The following HS2ST1 variants were observed in gnomAD, a reference collection of about 807,000 sequenced individuals.
HS2ST1 encodes heparan sulfate 2-O-sulfotransferase 1, also known as 2-O-sulfotransferase.
In HS2ST1, 18 loss-of-function variants were observed where a neutral mutation model predicts 42.9. The ratio of observed to expected loss-of-function variants is 0.42; its 90% CI spans 0.29 to 0.62. The LOEUF is 0.62. Ranked by LOEUF, HS2ST1 falls within the 20% of genes least tolerant of loss-of-function variation. The pLI is 0.21. For synonymous variants in HS2ST1, 146 were observed against 152.9 expected (o/e 0.95, Z 0.33); for missense variants, 334 against 433.8 (o/e 0.77, Z 2.04).
rs1301753583 is a variant in HS2ST1, at chr1:86,990,569, G to A, written c.124+75409G>A. ...AACCCCTGTAGTATTGCCATTTATC[G>A]CCAGTTTTTGTTTGACCCAGTCAGA... On this transcript the variant is annotated intron_variant, in intron 1 of 6. Coordinates refer to ENST00000370550, the MANE Select transcript of HS2ST1 (RefSeq NM_012262.4). Among the ~76,000 whole-genome samples, 3 of 151,652 alleles carry A rather than the reference G, an allele frequency of 2.0e-5. No homozygotes were observed. The South Asian group carries it at 6.3e-4, about 32-fold the overall frequency.
At chr1:87,079,805 C>G (rs1478150479) in intron 2 of HS2ST1, among the ~76,000 whole-genome samples, 2 of 150,802 alleles carry the variant, frequency 1.3e-5, no homozygotes, top group Non-Finnish European at 2.9e-5. Flanking sequence ...TTCTGGGAGG[C>G]TGAGGTGGGA....
chr1:87,021,666 C>T (rs1399068286), intron 1 of HS2ST1, among the ~76,000 whole-genome samples: 1 of 152,152 alleles, frequency 6.6e-6, no homozygotes, highest in Admixed American at 6.5e-5. Context: ...AAGGTGCATA[C>T]CACCACACCC....
intron 1 of HS2ST1, among the ~76,000 whole-genome samples, chr1:87,071,263 C>T (rs1209741858): frequency 2.0e-5 from 3 of 152,118 alleles, no homozygotes; most frequent in Non-Finnish European, 2.9e-5. Context: ...AAGATGCATG[C>T]TCTGACAATA....
chr1:86,934,182 G>A (rs1364624639), intron 1 of HS2ST1, among the ~76,000 whole-genome samples: 1 of 152,178 alleles, frequency 6.6e-6, no homozygotes, highest in African/African-American at 2.4e-5. Flanking sequence ...TGGTTAGTTG[G>A]TGGATAACAA....
chr1:86,930,061 A>C (rs1660512070), intron 1 of HS2ST1, among the ~76,000 whole-genome samples: 1 of 151,764 alleles, frequency 6.6e-6, no homozygotes, highest in African/African-American at 2.4e-5. Context: ...GAAATGGTGG[A>C]CTATGAGAGG....
At chr1:87,006,875 G>C (rs1274800541) in intron 1 of HS2ST1, among the ~76,000 whole-genome samples, 1 of 152,102 alleles carries the variant, frequency 6.6e-6, no homozygotes, top group African/African-American at 2.4e-5. Flanking sequence ...ATAAGGACAA[G>C]TCACTGTTAA....
At chr1:87,064,331 G>C (rs1651193944) in intron 1 of HS2ST1, among the ~76,000 whole-genome samples, 1 of 152,050 alleles carries the variant, frequency 6.6e-6, no homozygotes, top group South Asian at 2.1e-4. Context: ...AGGTCCCAGG[G>C]GTTCCAGTAG....
intron 2 of HS2ST1, among the ~76,000 whole-genome samples, chr1:87,075,392 C>T (rs1651515164): frequency 6.6e-6 from 1 of 152,052 alleles, no homozygotes; most frequent in South Asian, 2.1e-4. Context: ...GTCACAAACT[C>T]CTGACCTCAG....
intron 1 of HS2ST1, among the ~76,000 whole-genome samples, chr1:87,013,788 G>A (rs980724228): frequency 1.3e-5 from 2 of 152,090 alleles, no homozygotes; most frequent in African/African-American, 4.8e-5. Context: ...CAGCACCCAA[G>A]TCACCTCTTG....
intron 1 of HS2ST1, among the ~76,000 whole-genome samples, chr1:87,068,944 C>T (rs1340894132): frequency 6.6e-6 from 1 of 152,152 alleles, no homozygotes; most frequent in East Asian, 1.9e-4. Flanking sequence ...CCTCCTCCCT[C>T]AACTCCTGAG....
At chr1:87,035,609 G>C (rs1334770360) in intron 1 of HS2ST1, among the ~76,000 whole-genome samples, 1 of 152,082 alleles carries the variant, frequency 6.6e-6, no homozygotes, top group Non-Finnish European at 1.5e-5. Flanking sequence ...TGCATCTACT[G>C]TGTATCCAGC....
intron 1 of HS2ST1, among the ~76,000 whole-genome samples, chr1:86,975,597 A>G (rs1648374879): frequency 6.6e-6 from 1 of 152,206 alleles, no homozygotes; most frequent in Non-Finnish European, 1.5e-5. Flanking sequence ...AGTTAATAAA[A>G]TTTTGTTGAT....
intron 1 of HS2ST1, among the ~76,000 whole-genome samples, chr1:86,920,095 G>C (rs1458760247): frequency 6.6e-6 from 1 of 152,130 alleles, no homozygotes. Context: ...TATGTGCTTG[G>C]TAACTTTATT....
intron 5 of HS2ST1, among the ~76,000 whole-genome samples, chr1:87,101,266 G>C (rs1652198848): frequency 6.8e-6 from 1 of 146,130 alleles, no homozygotes; most frequent in South Asian, 2.3e-4. Flanking sequence ...CCCGGGCTCA[G>C]GCAATTCTCC....
At chr1:86,961,674 A>G (rs1301173314) in intron 1 of HS2ST1, among the ~76,000 whole-genome samples, 1 of 152,192 alleles carries the variant, frequency 6.6e-6, no homozygotes, top group African/African-American at 2.4e-5. Flanking sequence ...GTGTATTCAT[A>G]ATGTGCAACC....
intron 1 of HS2ST1, among the ~76,000 whole-genome samples, chr1:87,057,869 A>AG (rs1490937833): frequency 1.4e-4 from 21 of 151,498 alleles, no homozygotes; most frequent in African/African-American, 5.1e-4. Context: ...AAAAAGAGAG[A>AG]GAAAAAAAAC....
At chr1:87,037,166 T>G (rs911762013) in intron 1 of HS2ST1, among the ~76,000 whole-genome samples, 1 of 152,198 alleles carries the variant, frequency 6.6e-6, no homozygotes, top group Non-Finnish European at 1.5e-5. Flanking sequence ...TTTCTTCTGG[T>G]GGTGAAAGTA....
At chr1:87,002,609 CAAAAAAAA>C (rs61052257) in intron 1 of HS2ST1, among the ~76,000 whole-genome samples, 2 of 98,288 alleles carry the variant, frequency 2.0e-5, no homozygotes, top group Non-Finnish European at 4.5e-5. Flanking sequence ...GACTTTGTCT[CAAAAAAAA>C]AAAAAAGAAA....
At chr1:87,010,229 A>C (rs974211546) in intron 1 of HS2ST1, among the ~76,000 whole-genome samples, 4 of 152,260 alleles carry the variant, frequency 2.6e-5, no homozygotes, top group African/African-American at 4.8e-5. Flanking sequence ...CATAGGAGTT[A>C]ATATTTATAT....
Sources: gnomAD v4.1 joint callset for allele counts (sites outside exome capture counted in the v4.1 genomes callset) on GRCh38, gnomAD v4.1.1 for gene constraint, MANE v1.5 for transcripts, NCBI Gene and HGNC (gene_info 2026-07-23, HGNC 2026-07-21) for gene names.